Variants in CHCHD3 observed in about 807,000 individuals in gnomAD.
The protein encoded by CHCHD3 is coiled-coil-helix-coiled-coil-helix domain containing 3.
A neutral mutation model predicts 38.2 loss-of-function variants in CHCHD3; 20 were observed. That is an observed-to-expected ratio of 0.52 (90% confidence interval 0.37 to 0.76). The LOEUF (loss-of-function observed/expected upper bound fraction) is 0.76. CHCHD3 is among the 30% of genes least tolerant of loss of function. CHCHD3 has a pLI of 0.00. For missense variants in CHCHD3, 245 were observed against 279.2 expected (o/e 0.88, Z 0.87); for synonymous variants, 82 against 100.0 (o/e 0.82, Z 1.07).
At chr7:132,938,683 C>G (rs1228591117) in intron 4 of CHCHD3, among the ~76,000 whole-genome samples, 1 of 152,176 alleles carries the variant, frequency 6.6e-6, no homozygotes, top group African/African-American at 2.4e-5. Flanking sequence ...ACAGTCCAAA[C>G]TGACAGCTCT....
At chr7:132,934,517 G>C (rs994638595) in intron 4 of CHCHD3, among the ~76,000 whole-genome samples, 1 of 152,112 alleles carries the variant, frequency 6.6e-6, no homozygotes, top group Non-Finnish European at 1.5e-5. Flanking sequence ...CAAATATATA[G>C]TTATATACCT....
At chr7:132,964,565 G>A (rs1230456340) in intron 4 of CHCHD3, among the ~76,000 whole-genome samples, 2 of 152,156 alleles carry the variant, frequency 1.3e-5, no homozygotes, top group African/African-American at 2.4e-5. Context: ...CTAGACAACA[G>A]GGTGAGACTC....
Position 132,887,011 on chromosome 7 carries a change from T to C in CHCHD3, c.370-1266A>G, listed in dbSNP as rs1482403759. On this transcript the variant is annotated intron_variant, in intron 4 of 7. Coordinates refer to ENST00000262570, the MANE Select transcript of CHCHD3 (RefSeq NM_017812.4). Reference sequence around the variant, plus strand: ...ATCCTGCAGCATGTTAAAAATAAAATAAACAGTTATTTAACAACATAAGTA... The same window carrying C: ...ATCCTGCAGCATGTTAAAAATAAAACAAACAGTTATTTAACAACATAAGTA... The C allele has an allele frequency of 5.6e-6, 7 of 1,241,884 alleles. No individual in the cohort carries two copies. In the East Asian group the frequency reaches 1.9e-4, roughly 33 times the overall value. 76.9% of individuals were successfully genotyped at this position (1,241,884 alleles called of 1,614,324 possible).
intron 4 of CHCHD3, among the ~76,000 whole-genome samples, chr7:132,966,657 A>G (rs939672247): frequency 1.5e-4 from 23 of 152,218 alleles, no homozygotes; most frequent in South Asian, 8.3e-4. Context: ...AACAAGTCAC[A>G]AGAACTGTAT....
At chr7:133,076,168 T>C (rs1269368147) in intron 1 of CHCHD3, among the ~76,000 whole-genome samples, 1 of 152,006 alleles carries the variant, frequency 6.6e-6, no homozygotes, top group African/African-American at 2.4e-5. Flanking sequence ...CTATACCTAT[T>C]ATACTTGCTT....
intron 1 of CHCHD3, among the ~76,000 whole-genome samples, chr7:133,075,039 G>A (rs1814939250): frequency 1.3e-5 from 2 of 152,188 alleles, no homozygotes; most frequent in Non-Finnish European, 2.9e-5. Flanking sequence ...GCAAGCAGCA[G>A]CTGCCTAAGT....
intron 6 of CHCHD3, among the ~76,000 whole-genome samples, chr7:132,805,238 C>A (rs1006679345): frequency 6.6e-6 from 1 of 151,860 alleles, no homozygotes; most frequent in Non-Finnish European, 1.5e-5. Context: ...CACAAGGCAA[C>A]CGAAGTGTCA....
At chr7:132,986,424 G>GAAAAAAAAAAAAAAGAAA (rs1812124480) in intron 3 of CHCHD3, among the ~76,000 whole-genome samples, 1 of 131,272 alleles carries the variant, frequency 7.6e-6, no homozygotes, top group Non-Finnish European at 1.6e-5. Context: ...AAAGAAAAAA[G>GAAAAAAAAAAAAAAGAAA]AAAAAAAAAA....
At chr7:132,833,401 G>A (rs905601732) in intron 6 of CHCHD3, among the ~76,000 whole-genome samples, 3 of 152,174 alleles carry the variant, frequency 2.0e-5, no homozygotes, top group Non-Finnish European at 2.9e-5. Context: ...AATTATCTTC[G>A]AATCCCTTAG....
intron 2 of CHCHD3, among the ~76,000 whole-genome samples, chr7:133,043,759 T>C (rs1813899913): frequency 6.6e-6 from 1 of 152,186 alleles, no homozygotes; most frequent in South Asian, 2.1e-4. Flanking sequence ...GTGTTTTATT[T>C]ATGACAGGAT....
chr7:132,891,888 T>G (rs1048436880), intron 4 of CHCHD3, among the ~76,000 whole-genome samples: 1 of 152,230 alleles, frequency 6.6e-6, no homozygotes, highest in African/African-American at 2.4e-5. Flanking sequence ...ACTCTCTGGC[T>G]TGCCGTGTGA....
intron 5 of CHCHD3, among the ~76,000 whole-genome samples, chr7:132,844,452 A>G (rs1196496666): frequency 6.6e-6 from 1 of 152,238 alleles, no homozygotes; most frequent in Non-Finnish European, 1.5e-5. Context: ...AACTATCTTC[A>G]TTCATATTCA....
At chr7:132,858,688 T>A (rs1808406160) in intron 5 of CHCHD3, among the ~76,000 whole-genome samples, 1 of 152,228 alleles carries the variant, frequency 6.6e-6, no homozygotes, top group South Asian at 2.1e-4. Context: ...CTTCCTGATT[T>A]AATATTGTTT....
intron 4 of CHCHD3, among the ~76,000 whole-genome samples, chr7:132,953,182 C>T (rs1161231941): frequency 6.6e-6 from 1 of 152,142 alleles, no homozygotes; most frequent in East Asian, 1.9e-4. Context: ...TTTCCGCGGC[C>T]TTACTAAGTG....
chr7:132,790,264 C>T (rs1393884068), intron 7 of CHCHD3, among the ~76,000 whole-genome samples: 1 of 152,158 alleles, frequency 6.6e-6, no homozygotes, highest in Non-Finnish European at 1.5e-5. Flanking sequence ...GTTTATACAG[C>T]TGGCTGCAAT....
rs539991974 is a variant in CHCHD3 at position 133,009,256 on chromosome 7, C to T, written c.251+15290G>A. On this transcript the variant is annotated intron_variant, in intron 3 of 7. Transcript: ENST00000262570. ...GTGTGCACCTGTAAGCCCAGCTAAT[C>T]GGGAGGCTGAGGCAGGAGAATCGCT... is the stretch of plus-strand genomic sequence containing the variant. Among the ~76,000 whole-genome samples, 3 of 150,036 alleles carry T rather than the reference C, an allele frequency of 2.0e-5. No individual in the cohort carries two copies. In the East Asian group the frequency reaches 6.0e-4, roughly 30 times the overall value.
At chr7:132,997,703 A>G (rs1386916263) in intron 3 of CHCHD3, among the ~76,000 whole-genome samples, 2 of 150,466 alleles carry the variant, frequency 1.3e-5, no homozygotes, top group African/African-American at 4.9e-5. Context: ...AAGAGACCAA[A>G]TGTGTTCACA....
intron 4 of CHCHD3, among the ~76,000 whole-genome samples, chr7:132,907,582 C>T (rs1809828026): frequency 6.6e-6 from 1 of 151,958 alleles, no homozygotes; most frequent in South Asian, 2.1e-4. Flanking sequence ...GAGGGAATTA[C>T]AGTAAGAGGG....
At chr7:133,051,010 C>T (rs375103089) in intron 2 of CHCHD3, among the ~76,000 whole-genome samples, 1 of 152,148 alleles carries the variant, frequency 6.6e-6, no homozygotes, top group East Asian at 1.9e-4. Flanking sequence ...AGCAAGACTC[C>T]ATCTCAAAAA....
Sources: allele counts gnomAD v4.1 joint callset (sites outside exome capture counted in the v4.1 genomes callset), GRCh38; gene constraint gnomAD v4.1.1; transcripts MANE v1.5; gene names NCBI Gene and HGNC (gene_info 2026-07-23, HGNC 2026-07-21).